The following DHX33 variants were observed in gnomAD, a reference collection of about 807,000 sequenced individuals.
DHX33 encodes the protein DEAH-box helicase 33.
DHX33 carries 42 observed loss-of-function variants against 72.5 expected under a neutral mutation model. That is an observed-to-expected ratio of 0.58 (90% CI 0.45 to 0.75). The LOEUF (loss-of-function observed/expected upper bound fraction) is 0.75. DHX33 is among the 30% of genes least tolerant of loss of function. The pLI is 0.00. For synonymous variants in DHX33, 358 were observed against 366.1 expected, an observed-to-expected ratio of 0.98 and a Z score of 0.25; for missense variants, 842 against 917.5, an observed-to-expected ratio of 0.92 and a Z score of 1.06.
chr17:5,448,809 C>T lies in DHX33; in HGVS notation c.1815G>A (p.Lys605=). 6.2e-7 allele frequency: 1 copy of T among 1,606,428 alleles called. No homozygotes were observed. The highest frequency in any genetic ancestry group is 2.3e-5 in the East Asian group (1 of 44,024). The part of the protein sequence containing the change: ...VRAQLRDICL[K]MSMPIASSRG... ...ACAGAACACTAGGACCAGACGATAC[C>T]TTTAAGCAGATGTCCCTCAGCTGTG... The change falls in exon 11 of 12, where the codon AAG becomes AAA. Residue 605 remains lysine, a splice_region_variant and synonymous_variant. Coordinates refer to ENST00000225296, the MANE Select transcript of DHX33 (RefSeq NM_020162.4).
rs1217684617 is a variant in DHX33 at position 5,444,143 on chromosome 17, G to A, written c.*62C>T. ...CTAAGCGCCAACCTGGAAGCCTGCT[G>A]TAAGGACAACTGTAGTCCAAGCTCC... On this transcript the variant is annotated 3_prime_UTR_variant, in exon 12 of 12. Coordinates refer to ENST00000225296, the MANE Select transcript of DHX33 (RefSeq NM_020162.4). The surrounding 1 kb of genome is among the most constrained non-coding windows in gnomAD (Gnocchi z 4.9). 1.9e-5 allele frequency: 29 copies of A among 1,548,682 alleles called. 3 individuals are homozygous for A. The South Asian group carries it at 2.6e-4, about 14-fold the overall frequency.
intron 4 of DHX33, among the ~76,000 whole-genome samples, chr17:5,460,362 C>T (rs1189714406): frequency 1.3e-5 from 2 of 152,022 alleles, no homozygotes; most frequent in African/African-American, 4.8e-5. Flanking sequence ...TGGTAAGCTA[C>T]TGCTTTAACA....
intron 1 of DHX33, among the ~76,000 whole-genome samples, chr17:5,465,486 A>T (rs143739721): frequency 6.4e-4 from 98 of 152,350 alleles, no homozygotes; most frequent in African/African-American, 2.3e-3. Context: ...TGAACTTTGG[A>T]TTCTTTCAAG....
At chr17:5,464,303 A>T (rs1393161133) in intron 1 of DHX33, among the ~76,000 whole-genome samples, 3 of 152,186 alleles carry the variant, frequency 2.0e-5, no homozygotes, top group African/African-American at 7.2e-5. Context: ...ACACTCCAGC[A>T]TGGGCAACGG....
At chr17:5,451,561 A>G (rs988488682) in intron 8 of DHX33, among the ~76,000 whole-genome samples, 18 of 152,236 alleles carry the variant, frequency 1.2e-4, no homozygotes, top group African/African-American at 3.6e-4. Flanking sequence ...AACCAAACAC[A>G]TAACAGTGGA....
chr17:5,459,820 A>AT (rs1031799355), intron 4 of DHX33, among the ~76,000 whole-genome samples: 33 of 151,676 alleles, frequency 2.2e-4, no homozygotes, highest in African/African-American at 6.5e-4. Context: ...AATTTTTATA[A>AT]TTTTTTTTAT....
rs776375728 is a variant in DHX33, at chr17:5,444,433, G to A, written c.1896C>T (p.Thr632=). ...AGGTGCCATCTGGCTGAAGCTCGGC[G>A]GTGCTCATGAAGAGGCTGTGAGCCA... The part of the protein sequence containing the change: ...RCLAHSLFMS[T]AELQPDGTYA... The change falls in exon 12 of 12, where the codon ACC becomes ACT. Residue 632 remains threonine, a synonymous_variant. Transcript: ENST00000225296. This position sits in a 1 kb window ranked among gnomAD's most constrained non-coding sequence, Gnocchi z 4.9. 2.0e-5 allele frequency: 32 copies of A among 1,614,088 alleles called. No homozygotes were observed. Among genetic ancestry groups the A allele is most frequent in the Non-Finnish European group, 2.3e-5 (27 of 1,180,050 alleles).
chr17:5,456,305 G>T, intron 4 of DHX33, 123 bp from the exon 5 acceptor site: 2 of 1,102,752 alleles, frequency 1.8e-6, no homozygotes, highest in Non-Finnish European at 2.6e-6. Context: ...ATGTAAATGA[G>T]CCTAAAAGTT....
chr17:5,447,054 A>G (rs990126087), intron 11 of DHX33, among the ~76,000 whole-genome samples: 2 of 152,208 alleles, frequency 1.3e-5, no homozygotes, highest in African/African-American at 4.8e-5. Flanking sequence ...ACCACAGAGT[A>G]CTCAGGACAG....
At chr17:5,458,870 T>C (rs1457139648) in intron 4 of DHX33, among the ~76,000 whole-genome samples, 1 of 152,212 alleles carries the variant, frequency 6.6e-6, no homozygotes, top group African/African-American at 2.4e-5. Flanking sequence ...CTTGACTTTT[T>C]AAAACTTTAA....
At chr17:5,454,366 G>C (rs1917097373) in intron 6 of DHX33, among the ~76,000 whole-genome samples, 1 of 152,136 alleles carries the variant, frequency 6.6e-6, no homozygotes, top group African/African-American at 2.4e-5. Context: ...AACTAGGATG[G>C]GGGTCATACT....
In DHX33 at chr17:5,450,212, G is replaced by A. The variant is rs750787955; in HGVS notation, c.1719C>T (p.Gly573=). The A allele has an allele frequency of 7.4e-6, 12 of 1,614,126 alleles. No individual in the cohort carries two copies. The highest frequency in any genetic ancestry group is 1.1e-5 in the South Asian group (1 of 91,070). The part of the protein sequence containing the change: ...LNIYRTFKNL[G]GNKDWCKENF... ...GCAAGACAAGGCTCACCTTATTTCC[G>A]CCTAGGTTTTTGAAGGTCCGATAGA... is the stretch of plus-strand genomic sequence containing the variant. The change falls in exon 10 of 12, where the codon GGC becomes GGT. Residue 573 remains glycine, a synonymous_variant. Transcript: ENST00000225296.
intron 1 of DHX33, among the ~76,000 whole-genome samples, chr17:5,464,655 T>A (rs967034725): frequency 1.3e-5 from 2 of 151,972 alleles, no homozygotes; most frequent in African/African-American, 4.8e-5. Context: ...CAGAAAAAAA[T>A]TGGAAACAAT....
At chr17:5,456,595 A>T (rs1339244478) in intron 4 of DHX33, among the ~76,000 whole-genome samples, 1 of 152,234 alleles carries the variant, frequency 6.6e-6, no homozygotes, top group Non-Finnish European at 1.5e-5. Flanking sequence ...TCAAAAACAC[A>T]AAAAACAAAA....
At chr17:5,456,855 C>A (rs374251178) in intron 4 of DHX33, among the ~76,000 whole-genome samples, 1 of 152,170 alleles carries the variant, frequency 6.6e-6, no homozygotes. Context: ...GGAGAAGGAG[C>A]CTTTAATGAA....
In DHX33 at chr17:5,456,004, G is replaced by A; in HGVS notation, c.1028C>T (p.Ala343Val). The A allele has an allele frequency of 3.1e-6, 5 of 1,612,024 alleles. No individual in the cohort carries two copies. Among genetic ancestry groups the A allele is most frequent in the Non-Finnish European group, 4.2e-6 (5 of 1,179,792 alleles). Reference sequence around the variant, plus strand: ...AAGAGGTGGTGCACTCACCTTTGGGGCCCCTTGGAAGACTCGGAGCTGCTG... The same window carrying A: ...AAGAGGTGGTGCACTCACCTTTGGGACCCCTTGGAAGACTCGGAGCTGCTG... ...YAQQLRVFQG[A>V]PKGYRKVIIS... Residue 343 changes from alanine (A) to valine (V), a missense_variant, in exon 5 of 12, where the codon GCC becomes GTC. Ala to Val is a moderately conservative substitution (Grantham distance 64). Transcript: ENST00000225296.
At chr17:5,447,749 A>G (rs1916716358) in intron 11 of DHX33, among the ~76,000 whole-genome samples, 1 of 152,254 alleles carries the variant, frequency 6.6e-6, no homozygotes, top group Non-Finnish European at 1.5e-5. Context: ...GATGGTCACT[A>G]CAACAGAATC....
Position 5,444,722 on chromosome 17 carries a change from C to A in DHX33, c.1816-209G>T, listed in dbSNP as rs961012570. Among the ~76,000 whole-genome samples the A allele has an allele frequency of 6.6e-6, 1 of 152,198 alleles. No individual in the cohort carries two copies. Among genetic ancestry groups the A allele is most frequent in the South Asian group, 2.1e-4 (1 of 4,820 alleles). ...CAGCTGGAGGAGCACGGACCAGAAACAGGGAAACTACCGCCTGTGAAGGTA... is the reference window on the plus strand; with the variant it reads ...CAGCTGGAGGAGCACGGACCAGAAAAAGGGAAACTACCGCCTGTGAAGGTA... On this transcript the variant is annotated intron_variant, in intron 11 of 11. Coordinates refer to ENST00000225296, the MANE Select transcript of DHX33 (RefSeq NM_020162.4). The surrounding 1 kb of genome is among the most constrained non-coding windows in gnomAD (Gnocchi z 4.9).
chr17:5,465,387 G>C (rs1904833046), intron 1 of DHX33, among the ~76,000 whole-genome samples: 2 of 152,178 alleles, frequency 1.3e-5, no homozygotes, highest in South Asian at 4.1e-4. Flanking sequence ...CCCAAACTTT[G>C]ATCCATGTCT....
Sources: allele counts gnomAD v4.1 joint callset (sites outside exome capture counted in the v4.1 genomes callset), GRCh38; gene constraint gnomAD v4.1.1; non-coding constraint Gnocchi (gnomAD v3.1); transcripts MANE v1.5; gene names NCBI Gene and HGNC (gene_info 2026-07-23, HGNC 2026-07-21).